EEF2: variants seen among roughly 807,000 people sequenced by gnomAD.
EEF2 encodes eukaryotic translation elongation factor 2.
Under a neutral mutation model 85.3 loss-of-function variants are expected in EEF2, and 21 were observed. The observed-to-expected ratio is 0.25, with a 90% CI of 0.17 to 0.35. The LOEUF (loss-of-function observed/expected upper bound fraction) is 0.35. EEF2 is among the 10% of genes least tolerant of loss of function. The probability of loss-of-function intolerance (pLI) is 1.00; values close to 1 mark genes in which losing one functional copy is unlikely to be tolerated. For synonymous variants in EEF2, 723 were observed against 508.8 expected (o/e 1.42, Z -5.67); for missense variants, 825 against 1,225.3 (o/e 0.67, Z 4.88).
intron 11 of EEF2, among the ~76,000 whole-genome samples, chr19:3,978,669 A>G (rs556939256): frequency 2.6e-5 from 4 of 151,462 alleles, no homozygotes; most frequent in African/African-American, 9.7e-5. Context: ...GCCGGGCATG[A>G]TGGCAGGCGC....
Position 3,983,027 on chromosome 19 carries a change from A to C in EEF2, c.401-9T>G. ...CGTCTGCACGCACACGCCTGGGGAC[A>C]CGGGGGACAGGGCGGCGCTGTCATC... On this transcript the variant is annotated splice_polypyrimidine_tract_variant and intron_variant, in intron 3 of 14. Coordinates refer to ENST00000309311, the MANE Select transcript of EEF2 (RefSeq NM_001961.4). 1.2e-6 allele frequency: 2 copies of C among 1,612,782 alleles called. No individual in the cohort carries two copies. The highest frequency in any genetic ancestry group is 1.7e-6 in the Non-Finnish European group (2 of 1,179,798).
At position 3,982,537 on chromosome 19, in the gene EEF2, C is replaced by G. The variant is rs770107993; in HGVS notation, c.613-113G>C. 14 of 1,366,902 alleles carry G rather than the reference C, an allele frequency of 1.0e-5. No individual in the cohort carries two copies. In the South Asian group the frequency reaches 1.6e-4, roughly 16 times the overall value. 84.7% of individuals were successfully genotyped at this position (1,366,902 alleles called of 1,614,324 possible). A position where few individuals can be genotyped will look rare whatever the true frequency, so the allele number is the denominator to read the frequency against. Reference sequence around the variant, plus strand: ...GACGCAGGCTTTCTTCAGTAGACATCTGGTCAAAGTGAAGAAATGATCAGT... The same window carrying G: ...GACGCAGGCTTTCTTCAGTAGACATGTGGTCAAAGTGAAGAAATGATCAGT... On this transcript the variant is annotated intron_variant, in intron 4 of 14. Coordinates refer to ENST00000309311, the MANE Select transcript of EEF2 (RefSeq NM_001961.4).
intron 8 of EEF2, 38 bp downstream of exon 8, chr19:3,980,803 C>T (rs766998691): frequency 3.2e-5 from 50 of 1,584,408 alleles, no homozygotes; most frequent in African/African-American, 2.3e-4. Flanking sequence ...GGAAGTCATC[C>T]GGCTGCATCT....
intron 1 of EEF2, 93 bp from the exon 2 acceptor site, chr19:3,984,443 G>C (rs1230469151): frequency 5.8e-6 from 8 of 1,376,122 alleles, no homozygotes; most frequent in African/African-American, 5.7e-5. Context: ...GCATGCCCAA[G>C]GCCAGGAGGG....
chr19:3,977,739 C>CT lies in EEF2; in HGVS notation c.2067+79dup, dbSNP rs2039695632. ...GCCCGCCTTGGCCCCATTAGGGTCT[C>CT]TGTCTCGGGAGGCAGGACCATGAGG... On this transcript the variant is annotated intron_variant, in intron 12 of 14. Transcript: ENST00000309311. This position sits in a 1 kb window ranked among gnomAD's most constrained non-coding sequence, Gnocchi z 5.4. 1.3e-6 allele frequency: 2 copies of CT among 1,494,328 alleles called. No homozygotes were observed. Among genetic ancestry groups the CT allele is most frequent in the South Asian group, 1.3e-5 (1 of 74,504 alleles). 92.6% of individuals were successfully genotyped at this position (1,494,328 alleles called of 1,614,324 possible). A position where few individuals can be genotyped will look rare whatever the true frequency, so the allele number is the denominator to read the frequency against.
chr19:3,985,407 A>G lies in EEF2; in HGVS notation c.-27T>C. ...GTGGCGGATGGCGGTGGATTCTCCC[A>G]GGTAGAACCGAAAGAAGCGAGTCGC... On this transcript the variant is annotated 5_prime_UTR_variant, in exon 1 of 15. Transcript: ENST00000309311. The G allele has an allele frequency of 1.3e-6, 2 of 1,496,216 alleles. No homozygotes were observed. Among genetic ancestry groups the G allele is most frequent in the Non-Finnish European group, 1.8e-6 (2 of 1,117,568 alleles). 92.7% of individuals were successfully genotyped at this position (1,496,216 alleles called of 1,614,324 possible). A position where few individuals can be genotyped will look rare whatever the true frequency, so the allele number is the denominator to read the frequency against.
At position 3,982,180 on chromosome 19, in the gene EEF2, C is replaced by T. The variant is rs761442027; in HGVS notation, c.791+66G>A. Reference sequence around the variant, plus strand: ...GAGCCACGCTGTGAATAGCACACCACGCCCCTACGTCGCTGCCACTACCCC... The same window carrying T: ...GAGCCACGCTGTGAATAGCACACCATGCCCCTACGTCGCTGCCACTACCCC... On this transcript the variant is annotated intron_variant, in intron 5 of 14. Coordinates refer to ENST00000309311, the MANE Select transcript of EEF2 (RefSeq NM_001961.4). The T allele has an allele frequency of 7.1e-5, 113 of 1,602,072 alleles. 1 individual carries two copies. The highest frequency in any genetic ancestry group is 8.8e-5 in the South Asian group (8 of 90,732).
intron 8 of EEF2, 39 bp downstream of exon 8, chr19:3,980,802 C>G (rs1160963133): frequency 1.3e-6 from 2 of 1,584,728 alleles, no homozygotes; most frequent in Non-Finnish European, 1.7e-6. Context: ...AGGAAGTCAT[C>G]CGGCTGCATC....
At position 3,977,906 on chromosome 19, in the gene EEF2, G is replaced by A; in HGVS notation, c.1980C>T (p.Asn660=). ...CACCCTTGGTGATGTCGGTGAGGATGTTGGGGCCGGTGCCGTCGGGCCCAA... is the reference window on the plus strand; with the variant it reads ...CACCCTTGGTGATGTCGGTGAGGATATTGGGGCCGGTGCCGTCGGGCCCAA... ...WCFGPDGTGP[N]ILTDITKGVQ... is the part of the protein sequence containing the mutation. Residue 660 remains asparagine, a synonymous_variant, in exon 12 of 15, where the codon AAC becomes AAT. Coordinates refer to ENST00000309311, the MANE Select transcript of EEF2 (RefSeq NM_001961.4). This position sits in a 1 kb window ranked among gnomAD's most constrained non-coding sequence, Gnocchi z 5.4. The A allele has an allele frequency of 1.2e-6, 2 of 1,613,680 alleles. No individual in the cohort carries two copies. Among genetic ancestry groups the A allele is most frequent in the Non-Finnish European group, 1.7e-6 (2 of 1,179,968 alleles).
At chr19:3,980,489 G>A (rs370066516) in intron 9 of EEF2, 25 bp downstream of exon 9, 86 of 1,603,758 alleles carry the variant, frequency 5.4e-5, no homozygotes, top group Non-Finnish European at 6.9e-5. Flanking sequence ...GTGCCAAGGG[G>A]CCTGCACATC....
chr19:3,978,364 C>A (rs1261628938), intron 11 of EEF2, among the ~76,000 whole-genome samples, 192 bp from the exon 12 acceptor site: 1 of 152,136 alleles, frequency 6.6e-6, no homozygotes, highest in East Asian at 1.9e-4. Flanking sequence ...GGAGCAGGGG[C>A]TCCACTGAGC....
chr19:3,977,391 A>C lies in EEF2; in HGVS notation c.2250+37T>G, dbSNP rs537182273. ...AACCTGTCAGTGGCCGCTGGGCAGG[A>C]CGGTGGCAGGGTCAGCGGTGGGCGG... On this transcript the variant is annotated intron_variant, in intron 13 of 14. Coordinates refer to ENST00000309311, the MANE Select transcript of EEF2 (RefSeq NM_001961.4). This position sits in a 1 kb window ranked among gnomAD's most constrained non-coding sequence, Gnocchi z 5.4. 6.3e-7 allele frequency: 1 copy of C among 1,591,950 alleles called. No homozygotes were observed. Among genetic ancestry groups the C allele is most frequent in the South Asian group, 1.1e-5 (1 of 88,282 alleles).
At chr19:3,984,030 G>C (rs1445961852) in intron 2 of EEF2, 106 bp downstream of exon 2, 1 of 1,205,186 alleles carries the variant, frequency 8.3e-7, no homozygotes, top group South Asian at 1.4e-5. Context: ...AAGAAACCAG[G>C]GGAAAGAGAC....
chr19:3,979,706 C>T (rs1468324560), intron 10 of EEF2, 102 bp downstream of exon 10: 13 of 1,504,146 alleles, frequency 8.6e-6, no homozygotes, highest in Non-Finnish European at 1.1e-5. Flanking sequence ...CATGACCAGT[C>T]ACCCCAATCC....
chr19:3,981,980 G>A lies in EEF2; in HGVS notation c.864C>T (p.Thr288=), dbSNP rs773552404. 4 of 1,614,178 alleles carry A rather than the reference G, an allele frequency of 2.5e-6. No individual in the cohort carries two copies. The highest frequency in any genetic ancestry group is 1.3e-5 in the African/African-American group (1 of 75,074). Residue 288 remains threonine (T), a synonymous_variant, in exon 6 of 15, where the codon ACC becomes ACT. Coordinates refer to ENST00000309311, the MANE Select transcript of EEF2 (RefSeq NM_001961.4). ...TGGGGTCCAGGATCAGCTGGCAGAA[G>A]GTGCGTGGCAGCTTCTTCCCTTCGG... ...TSPEGKKLPR[T]FCQLILDPIF... is the part of the protein sequence containing the mutation.
At position 3,980,664 on chromosome 19, in the gene EEF2, G is replaced by A; in HGVS notation, c.1196C>T (p.Ser399Phe). ...DPKGPLMMYI[S>F]KMVPTSDKGR... The stretch of plus-strand genomic sequence containing the variant: ...TTTGTCGGAGGTTGGCACCATTTTG[G>A]AAATATACATCATAAGAGGGCCTTT... The change falls in exon 9 of 15, where the codon TCC becomes TTC. Residue 399 changes from serine (S) to phenylalanine (F), a missense_variant. Physicochemically the swap from Ser to Phe is radical, Grantham distance 155. Coordinates refer to ENST00000309311, the MANE Select transcript of EEF2 (RefSeq NM_001961.4). 6.2e-7 allele frequency: 1 copy of A among 1,614,182 alleles called. No individual in the cohort carries two copies. Among genetic ancestry groups the A allele is most frequent in the Non-Finnish European group, 8.5e-7 (1 of 1,180,032 alleles).
chr19:3,982,441 C>T lies in EEF2; in HGVS notation c.613-17G>A, dbSNP rs560481109. The T allele has an allele frequency of 1.7e-5, 27 of 1,613,770 alleles. No homozygotes were observed. Among genetic ancestry groups the T allele is most frequent in the African/African-American group, 1.3e-4 (10 of 75,058 alleles). ...AGGATCGATCTGGAAGTGTGAGAAA[C>T]GAGAAGCAGCCGTGAGGGCCCCTGC... On this transcript the variant is annotated splice_polypyrimidine_tract_variant and intron_variant, in intron 4 of 14. Transcript: ENST00000309311.
In EEF2 at chr19:3,984,354, G is replaced by A. The variant is rs1422677364; in HGVS notation, c.4-4C>T. 3 of 1,613,642 alleles carry A rather than the reference G, an allele frequency of 1.9e-6. No individual in the cohort carries two copies. Among genetic ancestry groups the A allele is most frequent in the Admixed American group, 1.7e-5 (1 of 59,998 alleles). ...TCTGGTCTACCGTGAAGTTCACCTGGGCAAGACAAGGAGGCTCAGACCAGC... is the reference window on the plus strand; with the variant it reads ...TCTGGTCTACCGTGAAGTTCACCTGAGCAAGACAAGGAGGCTCAGACCAGC... On this transcript the variant is annotated splice_region_variant and splice_polypyrimidine_tract_variant and intron_variant, in intron 1 of 14. Transcript: ENST00000309311.
At chr19:3,980,820 C>A (rs1282528984) in intron 8 of EEF2, 21 bp downstream of exon 8, 1 of 1,577,500 alleles carries the variant, frequency 6.3e-7, no homozygotes, top group East Asian at 2.3e-5. Context: ...ATCTCAGGGC[C>A]CGGCCACCGG....
Sources: allele counts gnomAD v4.1 joint callset (sites outside exome capture counted in the v4.1 genomes callset), GRCh38; gene constraint gnomAD v4.1.1; non-coding constraint Gnocchi (gnomAD v3.1); transcripts MANE v1.5; gene names NCBI Gene and HGNC (gene_info 2026-07-23, HGNC 2026-07-21).